Variants in CD44 observed in about 807,000 individuals in gnomAD.
The protein encoded by CD44 is CD44 molecule (IN blood group).
Under a neutral mutation model 88.8 loss-of-function variants are expected in CD44, and 49 were observed. The ratio of observed to expected loss-of-function variants is 0.55; its 90% CI spans 0.44 to 0.70. The LOEUF is 0.70. CD44 is among the 30% of genes least tolerant of loss of function. The probability of loss-of-function intolerance (pLI) is 0.00; values close to 1 mark genes in which losing one functional copy is unlikely to be tolerated. For missense variants in CD44, 883 were observed against 913.8 expected, an observed-to-expected ratio of 0.97 and a Z score of 0.43; for synonymous variants, 325 against 312.3, an observed-to-expected ratio of 1.04 and a Z score of -0.43.
chr11:35,212,215 G>A (rs532310115), intron 14 of CD44, among the ~76,000 whole-genome samples: 15 of 152,022 alleles, frequency 9.9e-5, no homozygotes, highest in South Asian at 8.3e-4. Flanking sequence ...AATGGAAAAC[G>A]CCCACTGTAG....
At chr11:35,219,943 C>T (rs1949152999) in intron 16 of CD44, among the ~76,000 whole-genome samples, 1 of 152,144 alleles carries the variant, frequency 6.6e-6, no homozygotes, top group Admixed American at 6.5e-5. Flanking sequence ...AGTGAGGAGG[C>T]TGGGACACCT....
At chr11:35,161,558 T>C (rs902764553) in intron 1 of CD44, among the ~76,000 whole-genome samples, 9 of 152,226 alleles carry the variant, frequency 5.9e-5, no homozygotes, top group Admixed American at 3.3e-4. Context: ...AGTTGCACTC[T>C]GCTGGGCAGC....
intron 1 of CD44, among the ~76,000 whole-genome samples, chr11:35,147,727 C>T (rs1859454831): frequency 6.6e-6 from 1 of 152,082 alleles, no homozygotes; most frequent in Non-Finnish European, 1.5e-5. Flanking sequence ...TTTCCACTTC[C>T]TTTCCAAGAT....
chr11:35,146,543 C>T (rs1859216403), intron 1 of CD44, among the ~76,000 whole-genome samples: 1 of 152,170 alleles, frequency 6.6e-6, no homozygotes, highest in Admixed American at 6.5e-5. Context: ...CTATATACTG[C>T]CTTGTTTAAT....
chr11:35,148,349 T>A (rs985273711), intron 1 of CD44, among the ~76,000 whole-genome samples: 1 of 152,098 alleles, frequency 6.6e-6, no homozygotes, highest in Admixed American at 6.5e-5. Context: ...CACCAGTGAG[T>A]TACTGGGCCC....
chr11:35,189,433 A>C (rs1946048822), intron 4 of CD44, among the ~76,000 whole-genome samples: 1 of 152,258 alleles, frequency 6.6e-6, no homozygotes. Flanking sequence ...GTACTTCAGA[A>C]GGGAGAGTAG....
At chr11:35,163,496 G>C (rs1322635080) in intron 1 of CD44, among the ~76,000 whole-genome samples, 1 of 152,088 alleles carries the variant, frequency 6.6e-6, no homozygotes, top group Admixed American at 6.6e-5. Flanking sequence ...CATCTGTCCT[G>C]GGAAGAACAA....
At chr11:35,199,947 T>TTA (rs1947148624) in intron 7 of CD44, among the ~76,000 whole-genome samples, 1 of 149,294 alleles carries the variant, frequency 6.7e-6, no homozygotes, top group Non-Finnish European at 1.5e-5. Context: ...TTTTTTTTTT[T>TTA]TTTTTTTTTT....
chr11:35,139,339 C>G lies in CD44; in HGVS notation c.36C>G (p.Leu12=). ...DKFWWHAAWG[L]CLVPLSLAQI... ...TTTGGTGGCACGCAGCCTGGGGACT[C>G]TGCCTCGTGCCGCTGAGCCTGGCGC... Residue 12 remains leucine, a synonymous_variant, in exon 1 of 18, where the codon CTC becomes CTG. Transcript: ENST00000428726. The G allele has an allele frequency of 6.4e-7, 1 of 1,562,168 alleles. No individual in the cohort carries two copies.
At chr11:35,159,098 T>C (rs1942275211) in intron 1 of CD44, among the ~76,000 whole-genome samples, 1 of 152,224 alleles carries the variant, frequency 6.6e-6, no homozygotes, top group African/African-American at 2.4e-5. Context: ...AGCTTCCTTT[T>C]CATTCTGAGA....
At chr11:35,144,655 C>A (rs1256762644) in intron 1 of CD44, among the ~76,000 whole-genome samples, 1 of 152,150 alleles carries the variant, frequency 6.6e-6, no homozygotes, top group African/African-American at 2.4e-5. Flanking sequence ...GTTCTGGAGT[C>A]TGGCCAGGCA....
At chr11:35,219,960 C>T (rs1464048303) in intron 16 of CD44, among the ~76,000 whole-genome samples, 2 of 152,288 alleles carry the variant, frequency 1.3e-5, no homozygotes, top group Non-Finnish European at 1.5e-5. Context: ...ACCTGGTTCT[C>T]CTGAGCATCA....
rs1857400994 is a variant in CD44, at chr11:35,139,212, G to A, written c.-92G>A. 1.0e-6 allele frequency: 1 copy of A among 1,004,598 alleles called. No individual in the cohort carries two copies. Among genetic ancestry groups the A allele is most frequent in the Admixed American group, 2.0e-5 (1 of 49,002 alleles). 62.2% of individuals were successfully genotyped at this position (1,004,598 alleles called of 1,614,324 possible). A position where few individuals can be genotyped will look rare whatever the true frequency, so the allele number is the denominator to read the frequency against. On this transcript the variant is annotated 5_prime_UTR_variant, in exon 1 of 18. Transcript: ENST00000428726. ...CCCCAGCCTCTGCCAGGTTCGGTCC[G>A]CCATCCTCGTCCCGTCCTCCGCCGG...
chr11:35,181,528 G>A (rs1944985119), intron 3 of CD44, among the ~76,000 whole-genome samples: 1 of 151,248 alleles, frequency 6.6e-6, no homozygotes, highest in Non-Finnish European at 1.5e-5. Context: ...TTGGGTGAAG[G>A]GAAAGATGAA....
intron 15 of CD44, among the ~76,000 whole-genome samples, chr11:35,217,359 A>G: frequency 6.6e-6 from 1 of 151,346 alleles, no homozygotes; most frequent in African/African-American, 2.4e-5. Flanking sequence ...CAGAAAAGAA[A>G]AAAAAAAAAA....
At chr11:35,159,703 A>G (rs2133312631) in intron 1 of CD44, among the ~76,000 whole-genome samples, 1 of 152,340 alleles carries the variant, frequency 6.6e-6, no homozygotes, top group Middle Eastern at 3.4e-3. Context: ...GAATGGCTGA[A>G]TTTCATCAGA....
intron 15 of CD44, among the ~76,000 whole-genome samples, chr11:35,215,179 C>G (rs1388893014): frequency 6.6e-6 from 1 of 152,210 alleles, no homozygotes. Context: ...AGGGATTGCA[C>G]TTTGAGAGCT....
intron 4 of CD44, 97 bp downstream of exon 4, chr11:35,186,997 G>C (rs573777536): frequency 2.6e-6 from 2 of 782,566 alleles, no homozygotes. Context: ...ATTAGGCCAG[G>C]TGTGGTGGCT....
chr11:35,210,107 T>G (rs1948254840), intron 13 of CD44, 53 bp downstream of exon 13: 1 of 1,025,376 alleles, frequency 9.8e-7, no homozygotes, highest in African/African-American at 1.7e-5. Context: ...ATCAATCAAT[T>G]ATGGGTACTT....
Sources: gnomAD v4.1 joint callset for allele counts (sites outside exome capture counted in the v4.1 genomes callset) on GRCh38, gnomAD v4.1.1 for gene constraint, MANE v1.5 for transcripts, NCBI Gene and HGNC (gene_info 2026-07-23, HGNC 2026-07-21) for gene names.